TRPV4: variants seen among roughly 807,000 people sequenced by gnomAD.
TRPV4 encodes the protein transient receptor potential cation channel subfamily V member 4.
A neutral mutation model predicts 84.1 loss-of-function variants in TRPV4; 58 were observed. That is an observed-to-expected ratio of 0.69 (90% confidence interval 0.56 to 0.86). TRPV4 has a LOEUF of 0.86. TRPV4 is among the 40% of genes least tolerant of loss of function. TRPV4 has a pLI of 0.00. For missense variants in TRPV4, 879 were observed against 1,181.1 expected, an observed-to-expected ratio of 0.74 and a Z score of 3.75; for synonymous variants, 489 against 500.9, an observed-to-expected ratio of 0.98 and a Z score of 0.32.
In TRPV4 at chr12:109,792,679, C is replaced by T. The variant is rs747018354; in HGVS notation, c.1797G>A (p.Thr599=). The stretch of plus-strand genomic sequence containing the variant: ...TCTGGATCATGATGCTATAGGTCCC[C>T]GTCAGCTTCAGCCCACGGGTGAAGT... ...ALYFTRGLKL[T]GTYSIMIQKI... is the part of the protein sequence containing the mutation. Residue 599 remains threonine (T), a synonymous_variant, in exon 11 of 16, where the codon ACG becomes ACA. Transcript: ENST00000261740. The T allele has an allele frequency of 2.9e-5, 46 of 1,614,016 alleles. No individual in the cohort carries two copies. The highest frequency in any genetic ancestry group is 8.8e-5 in the South Asian group (8 of 91,084).
chr12:109,825,834 G>C (rs1892238632), intron 1 of TRPV4, among the ~76,000 whole-genome samples: 1 of 152,182 alleles, frequency 6.6e-6, no homozygotes, highest in Non-Finnish European at 1.5e-5. Context: ...GTCGGGGAAG[G>C]GAGCCCAAGG....
At position 109,794,168 on chromosome 12, in the gene TRPV4, C is replaced by T. The variant is rs1201308396; in HGVS notation, c.1492-146G>A. On this transcript the variant is annotated intron_variant, in intron 8 of 15. Transcript: ENST00000261740. ...TCCTCCTGAGTCTTCCTCCTCCCAG[C>T]TCAGGGCCACCCGTGGATGCTGGAG... 7 of 1,171,132 alleles carry T rather than the reference C, an allele frequency of 6.0e-6. No individual in the cohort carries two copies. In the East Asian group the frequency reaches 1.5e-4, roughly 26 times the overall value. The allele number at this position is 1,171,132 out of a possible 1,614,324, so 72.5% of individuals were successfully genotyped here.
intron 1 of TRPV4, among the ~76,000 whole-genome samples, chr12:109,828,876 G>C (rs550620421): frequency 6.6e-6 from 1 of 152,060 alleles, no homozygotes; most frequent in East Asian, 1.9e-4. Context: ...GCCCACCCCC[G>C]GCAGTGGGGA....
chr12:109,814,904 C>T lies in TRPV4; in HGVS notation c.-31-77G>A. 1 of 1,386,944 alleles carries T rather than the reference C, an allele frequency of 7.2e-7. No individual in the cohort carries two copies. The highest frequency in any genetic ancestry group is 1.3e-5 in the South Asian group (1 of 79,126). The allele number at this position is 1,386,944 out of a possible 1,614,324, so 85.9% of individuals were successfully genotyped here. A position where few individuals can be genotyped will look rare whatever the true frequency, so the allele number is the denominator to read the frequency against. On this transcript the variant is annotated intron_variant, in intron 1 of 15. Transcript: ENST00000261740. The surrounding 1 kb of genome is among the most constrained non-coding windows in gnomAD (Gnocchi z 5.4). ...TCCAGGAAGCCCCCTCCCACGTGGA[C>T]AAGCAGCAGTGCTGCCAGCTGCTTC...
intron 1 of TRPV4, among the ~76,000 whole-genome samples, chr12:109,833,005 C>T (rs1206030549): frequency 1.3e-5 from 2 of 152,194 alleles, no homozygotes; most frequent in East Asian, 1.9e-4. Context: ...CGAAATCCCT[C>T]TTCCAAGTCT....
chr12:109,831,600 G>T (rs1309606024), intron 1 of TRPV4, among the ~76,000 whole-genome samples: 1 of 152,260 alleles, frequency 6.6e-6, no homozygotes, highest in Non-Finnish European at 1.5e-5. Flanking sequence ...GGAGGAGGGA[G>T]TAAGTGGCAG....
chr12:109,805,051 T>C (rs1459209822), intron 3 of TRPV4, among the ~76,000 whole-genome samples: 1 of 152,224 alleles, frequency 6.6e-6, no homozygotes, highest in Non-Finnish European at 1.5e-5. Flanking sequence ...CTAGGTCAAA[T>C]CCTCCAGTAC....
In TRPV4 at chr12:109,783,924, G is replaced by T. The variant is rs896266705; in HGVS notation, c.2459-146C>A. ...TCATTTTACAGAGGTGGAAACTGGGGCTCAAGAGAGGTCAAGGTGCCTCCC... is the reference window on the plus strand; with the variant it reads ...TCATTTTACAGAGGTGGAAACTGGGTCTCAAGAGAGGTCAAGGTGCCTCCC... On this transcript the variant is annotated intron_variant, in intron 15 of 15. Coordinates refer to ENST00000261740, the MANE Select transcript of TRPV4 (RefSeq NM_021625.5). The surrounding 1 kb of genome is among the most constrained non-coding windows in gnomAD (Gnocchi z 4.6). The T allele has an allele frequency of 1.5e-5, 15 of 1,028,958 alleles. No individual in the cohort carries two copies. In the Admixed American group the frequency reaches 3.6e-4, roughly 25 times the overall value. The allele number at this position is 1,028,958 out of a possible 1,614,324, so 63.7% of individuals were successfully genotyped here.
At chr12:109,801,728 G>A (rs1326081460) in intron 4 of TRPV4, among the ~76,000 whole-genome samples, 1 of 151,908 alleles carries the variant, frequency 6.6e-6, no homozygotes, top group African/African-American at 2.4e-5. Context: ...TACTTGGGAG[G>A]GTGAGGTGGG....
intron 4 of TRPV4, 67 bp from the exon 5 acceptor site, chr12:109,800,825 GGGGGTA>G: frequency 6.5e-7 from 1 of 1,538,954 alleles, no homozygotes; most frequent in Non-Finnish European, 8.9e-7. Context: ...TGCTGGGGGT[GGGGGTA>G]GGGTGCAGGA....
intron 1 of TRPV4, among the ~76,000 whole-genome samples, chr12:109,829,082 G>A (rs1892344689): frequency 6.6e-6 from 1 of 152,022 alleles, no homozygotes; most frequent in African/African-American, 2.4e-5. Flanking sequence ...TGAAGTAGGA[G>A]GATCTCTTGA....
intron 2 of TRPV4, among the ~76,000 whole-genome samples, chr12:109,808,679 AACAG>A (rs1028009417): frequency 4.6e-5 from 7 of 152,268 alleles, no homozygotes; most frequent in Admixed American, 6.5e-5. Flanking sequence ...GGTGGAGACA[AACAG>A]AAAGAAATGC....
chr12:109,796,237 G>A lies in TRPV4; in HGVS notation c.1332+288C>T, dbSNP rs1890390501. Among the ~76,000 whole-genome samples, 1 of 152,214 alleles carries A rather than the reference G, an allele frequency of 6.6e-6. No individual in the cohort carries two copies. Among genetic ancestry groups the A allele is most frequent in the African/African-American group, 2.4e-5 (1 of 41,440 alleles). On this transcript the variant is annotated intron_variant, in intron 7 of 15. Transcript: ENST00000261740. This position sits in a 1 kb window ranked among gnomAD's most constrained non-coding sequence, Gnocchi z 4.2. Reference sequence around the variant, plus strand: ...TGAAGAAGCTGAGACCCAGAGAGGTGGAGCCACTTGTCCTGAGACACACAG... The same window carrying A: ...TGAAGAAGCTGAGACCCAGAGAGGTAGAGCCACTTGTCCTGAGACACACAG...
At chr12:109,803,368 G>C (rs1353276792) in intron 3 of TRPV4, among the ~76,000 whole-genome samples, 2 of 152,194 alleles carry the variant, frequency 1.3e-5, no homozygotes, top group African/African-American at 2.4e-5. Context: ...TAGGTGCTTT[G>C]AAATGTGAGA....
intron 15 of TRPV4, 150 bp downstream of exon 15, chr12:109,784,166 G>A: frequency 7.7e-7 from 1 of 1,295,238 alleles, no homozygotes; most frequent in Non-Finnish European, 1.1e-6. Flanking sequence ...AGGTGCCCCA[G>A]GCATTCACAA....
chr12:109,821,624 G>A (rs1456908895), intron 1 of TRPV4, among the ~76,000 whole-genome samples: 1 of 152,074 alleles, frequency 6.6e-6, no homozygotes, highest in East Asian at 1.9e-4. Flanking sequence ...CCGCCTCCTG[G>A]GTTCAAGCAA....
chr12:109,784,091 C>T (rs994575593), intron 15 of TRPV4, among the ~76,000 whole-genome samples: 17 of 152,130 alleles, frequency 1.1e-4, no homozygotes, highest in African/African-American at 3.9e-4. Flanking sequence ...CTGAGGAGCT[C>T]GTCCTCCCTC....
intron 2 of TRPV4, among the ~76,000 whole-genome samples, chr12:109,810,415 G>A (rs1336403913): frequency 2.6e-5 from 4 of 152,196 alleles, no homozygotes. Flanking sequence ...AATGCAGTTG[G>A]GGAAACTGAG....
rs144723370 is a variant in TRPV4 at position 109,827,858 on chromosome 12, A to G, written c.-32+5492T>C. On this transcript the variant is annotated intron_variant, in intron 1 of 15. Coordinates refer to ENST00000261740, the MANE Select transcript of TRPV4 (RefSeq NM_021625.5). ...CATATACACATACACATATAGACAT[A>G]CATATACACACATACACATACACAC... Among the ~76,000 whole-genome samples the G allele has an allele frequency of 1.6e-3, 240 of 152,024 alleles. 2 individuals are homozygous for G. The highest frequency in any genetic ancestry group is 5.0e-3 in the African/African-American group (207 of 41,292).
Sources: gnomAD v4.1 joint callset for allele counts (sites outside exome capture counted in the v4.1 genomes callset) on GRCh38, gnomAD v4.1.1 for gene constraint, Gnocchi (gnomAD v3.1) non-coding constraint, MANE v1.5 for transcripts, NCBI Gene and HGNC (gene_info 2026-07-23, HGNC 2026-07-21) for gene names.